SLC44A5: variants seen among roughly 807,000 people sequenced by gnomAD.
SLC44A5 encodes choline transporter-like protein 5.
A neutral mutation model predicts 101.8 loss-of-function variants in SLC44A5; 57 were observed. The observed-to-expected ratio is 0.56, with a 90% CI of 0.45 to 0.70. The LOEUF is 0.70. SLC44A5 is among the 30% of genes least tolerant of loss of function. The pLI is 0.00. For synonymous variants in SLC44A5, 281 were observed against 290.9 expected (o/e 0.97, Z 0.35); for missense variants, 737 against 853.1 (o/e 0.86, Z 1.70).
rs372450426 is a variant in SLC44A5 at position 75,214,591 on chromosome 1, G to A, written c.1802+14C>T. On this transcript the variant is annotated intron_variant, in intron 20 of 23. Coordinates refer to ENST00000370859, the MANE Select transcript of SLC44A5 (RefSeq NM_001130058.2). ...CTACATTGTTAAATTACATTGTGCA[G>A]CCTGATTACTTACTTCAAAACATTT... 305 of 1,607,394 alleles carry A rather than the reference G, an allele frequency of 1.9e-4. No individual in the cohort carries two copies. The highest frequency in any genetic ancestry group is 2.5e-4 in the Non-Finnish European group (297 of 1,175,238).
rs77021735 is a variant in SLC44A5 at position 75,374,711 on chromosome 1, G to A, written c.52+21872C>T. Among the ~76,000 whole-genome samples, 28 of 152,190 alleles carry A rather than the reference G, an allele frequency of 1.8e-4. No individual in the cohort carries two copies. The East Asian group carries it at 2.3e-3, about 13-fold the overall frequency. On this transcript the variant is annotated intron_variant, in intron 3 of 23. Coordinates refer to ENST00000370859, the MANE Select transcript of SLC44A5 (RefSeq NM_001130058.2). The stretch of plus-strand genomic sequence containing the variant: ...GGAAGCAAAAATACATCCCTTCAGC[G>A]CTCAATGCCTGGAGACCCATGCAGG...
the SLC44A5 span, among the ~76,000 whole-genome samples, chr1:75,651,317 A>G: frequency 1.3e-5 from 2 of 152,184 alleles, no homozygotes; most frequent in Non-Finnish European, 2.9e-5. Context: ...GCTAAGAATT[A>G]TCTGCCTTGT....
At chr1:75,565,796 T>C (rs1421460987) in intron 1 of SLC44A5, among the ~76,000 whole-genome samples, 1 of 152,198 alleles carries the variant, frequency 6.6e-6, no homozygotes, top group East Asian at 1.9e-4. Flanking sequence ...GTACAATTTA[T>C]GCAAAGTGTC....
chr1:75,347,170 C>T (rs969980396), intron 3 of SLC44A5, among the ~76,000 whole-genome samples: 9 of 152,124 alleles, frequency 5.9e-5, no homozygotes, highest in Non-Finnish European at 1.2e-4. Flanking sequence ...AAGAGTTTGT[C>T]AGTTTATCAC....
At chr1:75,635,387 T>C in the SLC44A5 span, among the ~76,000 whole-genome samples, 1 of 151,964 alleles carries the variant, frequency 6.6e-6, no homozygotes, top group Non-Finnish European at 1.5e-5. Context: ...CTATTCACAA[T>C]AGCAAAGACT....
intron 1 of SLC44A5, among the ~76,000 whole-genome samples, chr1:75,554,983 G>C (rs1260609184): frequency 1.3e-5 from 2 of 151,624 alleles, no homozygotes; most frequent in Non-Finnish European, 2.9e-5. Context: ...TCATAAGAAG[G>C]CAGAAAAAAG....
intron 2 of SLC44A5, among the ~76,000 whole-genome samples, chr1:75,476,003 T>G (rs1667371297): frequency 6.6e-6 from 1 of 152,074 alleles, no homozygotes; most frequent in African/African-American, 2.4e-5. Context: ...ACCAATATGG[T>G]GAAGCTCTGT....
intron 1 of SLC44A5, among the ~76,000 whole-genome samples, chr1:75,543,544 C>T (rs1411552014): frequency 1.3e-5 from 2 of 150,074 alleles, no homozygotes; most frequent in Non-Finnish European, 3.0e-5. Context: ...AAATTATCAT[C>T]GCTGTAATTC....
intron 3 of SLC44A5, among the ~76,000 whole-genome samples, chr1:75,351,869 A>G (rs1257549728): frequency 5.4e-5 from 2 of 37,256 alleles, no homozygotes; most frequent in Non-Finnish European, 1.7e-4. Flanking sequence ...AAAAAAAAAA[A>G]GAGAGAGAGA....
the SLC44A5 span, among the ~76,000 whole-genome samples, chr1:75,692,108 G>A: frequency 1.3e-5 from 2 of 150,478 alleles, no homozygotes; most frequent in African/African-American, 4.9e-5. Flanking sequence ...AGCAGACTGG[G>A]AAAACCACAA....
chr1:75,493,460 T>C (rs956261424), intron 2 of SLC44A5, among the ~76,000 whole-genome samples: 1 of 152,036 alleles, frequency 6.6e-6, no homozygotes, highest in Non-Finnish European at 1.5e-5. Flanking sequence ...CAAACAGAAT[T>C]GCAAGAAGAA....
At chr1:75,247,282 T>C (rs1479282423) in intron 7 of SLC44A5, among the ~76,000 whole-genome samples, 1 of 151,872 alleles carries the variant, frequency 6.6e-6, no homozygotes, top group Non-Finnish European at 1.5e-5. Flanking sequence ...AAGGATAAGG[T>C]AGAAATCAAG....
At chr1:75,560,896 C>T (rs982631346) in intron 1 of SLC44A5, among the ~76,000 whole-genome samples, 10 of 152,124 alleles carry the variant, frequency 6.6e-5, no homozygotes, top group Non-Finnish European at 1.3e-4. Flanking sequence ...CCAATAAATA[C>T]CAATAAATAC....
At chr1:75,632,332 T>C in the SLC44A5 span, among the ~76,000 whole-genome samples, 1 of 64,524 alleles carries the variant, frequency 1.5e-5, no homozygotes, top group Non-Finnish European at 2.9e-5. Flanking sequence ...CTGTGCTAAC[T>C]CAGATAAAAA....
rs1658887979 is a variant in SLC44A5, at chr1:75,354,113, A to G, written c.53-14483T>C. 5 of 266,506 alleles carry G rather than the reference A, an allele frequency of 1.9e-5. No individual in the cohort carries two copies. In the South Asian group the frequency reaches 1.9e-4, roughly 10 times the overall value. 16.5% of individuals were successfully genotyped at this position (266,506 alleles called of 1,614,324 possible). On this transcript the variant is annotated intron_variant, in intron 3 of 23. Coordinates refer to ENST00000370859, the MANE Select transcript of SLC44A5 (RefSeq NM_001130058.2). ...AGAACAAAGTTTCTATTTCTAAAGA[A>G]CATATACAGGTTATATGTGTGGAAT...
chr1:75,299,279 C>T (rs1480845278), intron 5 of SLC44A5, among the ~76,000 whole-genome samples: 4 of 152,162 alleles, frequency 2.6e-5, no homozygotes, highest in African/African-American at 7.2e-5. Context: ...GATTTATGCT[C>T]CTTTATTTTT....
chr1:75,452,433 C>T (rs1463480122), intron 2 of SLC44A5, among the ~76,000 whole-genome samples: 1 of 152,146 alleles, frequency 6.6e-6, no homozygotes, highest in East Asian at 1.9e-4. Flanking sequence ...ATGATACTTG[C>T]TACCACAAAC....
At chr1:75,346,259 T>G (rs1056831662) in intron 3 of SLC44A5, among the ~76,000 whole-genome samples, 1 of 152,168 alleles carries the variant, frequency 6.6e-6, no homozygotes, top group African/African-American at 2.4e-5. Context: ...ATGAATCACC[T>G]TATATTCTAC....
chr1:75,539,166 A>G (rs925119465), intron 2 of SLC44A5, among the ~76,000 whole-genome samples: 1 of 152,216 alleles, frequency 6.6e-6, no homozygotes, highest in African/African-American at 2.4e-5. Flanking sequence ...ACAAGACATA[A>G]AAAGTCCTAA....
Sources: allele counts gnomAD v4.1 joint callset (sites outside exome capture counted in the v4.1 genomes callset), GRCh38; gene constraint gnomAD v4.1.1; transcripts MANE v1.5; gene names NCBI Gene and HGNC (gene_info 2026-07-23, HGNC 2026-07-21).